Variants in NRG3 observed in about 807,000 individuals in gnomAD.
The protein encoded by NRG3 is neuregulin 3, also known as pro-neuregulin-3, membrane-bound isoform.
Under a neutral mutation model 66.9 loss-of-function variants are expected in NRG3, and 31 were observed. That is an observed-to-expected ratio of 0.46 (90% CI 0.35 to 0.63). The LOEUF (loss-of-function observed/expected upper bound fraction) is 0.63, where lower values mean the gene tolerates loss of function less well. Ranked by LOEUF, NRG3 falls within the 20% of genes least tolerant of loss-of-function variation. The probability of loss-of-function intolerance (pLI) is 0.00; values close to 1 mark genes in which losing one functional copy is unlikely to be tolerated. For missense variants in NRG3, 910 were observed against 878.9 expected (o/e 1.04, Z -0.45); for synonymous variants, 393 against 359.4 (o/e 1.09, Z -1.06).
At chr10:82,010,944 A>C (rs1440091164) in intron 1 of NRG3, among the ~76,000 whole-genome samples, 4 of 152,134 alleles carry the variant, frequency 2.6e-5, no homozygotes, top group Non-Finnish European at 5.9e-5. Context: ...TCAAAACAAA[A>C]CTTGGTTTCC....
At chr10:82,025,818 T>TA (rs1467018017) in intron 1 of NRG3, among the ~76,000 whole-genome samples, 1 of 152,140 alleles carries the variant, frequency 6.6e-6, no homozygotes, top group Non-Finnish European at 1.5e-5. Flanking sequence ...TCTATTTACT[T>TA]ACTTATTTTG....
chr10:82,897,234 A>G (rs1202856698), intron 4 of NRG3, among the ~76,000 whole-genome samples: 1 of 152,246 alleles, frequency 6.6e-6, no homozygotes, highest in African/African-American at 2.4e-5. Flanking sequence ...GTCTTGGATT[A>G]AACACCTTTT....
intron 1 of NRG3, among the ~76,000 whole-genome samples, chr10:82,210,418 C>G (rs1198171696): frequency 6.6e-6 from 1 of 152,130 alleles, no homozygotes; most frequent in Non-Finnish European, 1.5e-5. Flanking sequence ...CAAATTCAGT[C>G]AGGTGCCAAG....
chr10:82,576,169 G>GTT (rs554723924), intron 2 of NRG3, among the ~76,000 whole-genome samples: 1 of 151,378 alleles, frequency 6.6e-6, no homozygotes, highest in Non-Finnish European at 1.5e-5. Context: ...GTTTTGTTTT[G>GTT]TTTTTTTAAT....
At chr10:82,815,691 C>T (rs532689782) in intron 3 of NRG3, among the ~76,000 whole-genome samples, 1 of 152,204 alleles carries the variant, frequency 6.6e-6, no homozygotes, top group Non-Finnish European at 1.5e-5. Context: ...CAGCTGGAAA[C>T]CTCTGTGTCC....
chr10:81,945,476 T>A (rs759957965), intron 1 of NRG3, among the ~76,000 whole-genome samples: 1 of 152,166 alleles, frequency 6.6e-6, no homozygotes, highest in Admixed American at 6.6e-5. Flanking sequence ...TGTTTTAAAT[T>A]GCGATTTTGC....
chr10:82,794,724 T>G lies in NRG3; in HGVS notation c.1027+56074T>G, dbSNP rs913671950. Among the ~76,000 whole-genome samples, 44 of 152,102 alleles carry G rather than the reference T, an allele frequency of 2.9e-4. 1 individual carries two copies. Among genetic ancestry groups the G allele is most frequent in the Non-Finnish European group, 1.3e-4 (9 of 68,030 alleles). The stretch of plus-strand genomic sequence containing the variant: ...ACTTCCAATTGTCACAAAATTCATC[T>G]TGGGCTTAGAGATGAATTTTAAATA... On this transcript the variant is annotated intron_variant, in intron 3 of 8. Coordinates refer to ENST00000372141, the MANE Select transcript of NRG3 (RefSeq NM_001010848.4).
intron 1 of NRG3, among the ~76,000 whole-genome samples, chr10:82,122,073 G>T (rs937590750): frequency 1.3e-5 from 2 of 152,036 alleles, no homozygotes; most frequent in East Asian, 3.9e-4. Flanking sequence ...CAGTCTCATC[G>T]GTAAAATGAG....
At chr10:82,832,676 C>A (rs1295264738) in intron 3 of NRG3, among the ~76,000 whole-genome samples, 1 of 152,034 alleles carries the variant, frequency 6.6e-6, no homozygotes, top group Non-Finnish European at 1.5e-5. Flanking sequence ...AATAACTTTG[C>A]AATCATATGA....
chr10:82,498,566 C>G (rs574311959), intron 2 of NRG3, among the ~76,000 whole-genome samples: 15 of 152,192 alleles, frequency 9.9e-5, no homozygotes, highest in African/African-American at 3.6e-4. Context: ...TGCTTTTCAC[C>G]TTTGAAATTT....
intron 1 of NRG3, among the ~76,000 whole-genome samples, chr10:81,944,422 A>G (rs1848662712): frequency 2.0e-5 from 3 of 152,250 alleles, no homozygotes; most frequent in Non-Finnish European, 4.4e-5. Flanking sequence ...CCTTTACTTG[A>G]AAGACTAAAA....
At chr10:82,170,547 A>C (rs906246391) in intron 1 of NRG3, among the ~76,000 whole-genome samples, 3 of 150,644 alleles carry the variant, frequency 2.0e-5, no homozygotes, top group Admixed American at 6.7e-5. Flanking sequence ...TTTTTCATTT[A>C]TTAGTTGTTT....
intron 2 of NRG3, among the ~76,000 whole-genome samples, chr10:82,646,554 C>T (rs375902068): frequency 5.9e-5 from 9 of 152,210 alleles, no homozygotes; most frequent in South Asian, 2.1e-4. Context: ...CAGTAAATTA[C>T]GATGTCGAAG....
At chr10:82,362,553 T>TG (rs1446339337) in intron 2 of NRG3, among the ~76,000 whole-genome samples, 1 of 126,214 alleles carries the variant, frequency 7.9e-6, no homozygotes, top group Non-Finnish European at 1.6e-5. Context: ...TCTGGGTTTT[T>TG]TTTTTTTTTT....
At chr10:82,958,878 G>T (rs928353600) in intron 5 of NRG3, 71 bp from the exon 6 acceptor site, 1 of 1,460,748 alleles carries the variant, frequency 6.8e-7, no homozygotes, top group South Asian at 1.5e-5. Context: ...CACTGGGAAT[G>T]AATGAGACCC....
chr10:82,117,564 A>G (rs2132319912), intron 1 of NRG3, among the ~76,000 whole-genome samples: 1 of 152,240 alleles, frequency 6.6e-6, no homozygotes, highest in South Asian at 2.1e-4. Flanking sequence ...GACAAGTCAC[A>G]TATTCTCACC....
intron 1 of NRG3, among the ~76,000 whole-genome samples, chr10:81,987,634 G>A: frequency 6.6e-6 from 1 of 152,138 alleles, no homozygotes; most frequent in East Asian, 1.9e-4. Flanking sequence ...AATTGGATAA[G>A]AGCATCGTTG....
chr10:82,123,794 G>A (rs542856335), intron 1 of NRG3, among the ~76,000 whole-genome samples: 1 of 149,856 alleles, frequency 6.7e-6, no homozygotes, highest in South Asian at 2.1e-4. Context: ...ACCTTAAAAG[G>A]TATAAATGCC....
At chr10:81,965,372 T>G (rs890462329) in intron 1 of NRG3, among the ~76,000 whole-genome samples, 13 of 152,230 alleles carry the variant, frequency 8.5e-5, no homozygotes, top group African/African-American at 3.1e-4. Flanking sequence ...GCCATCTGGC[T>G]TCAGAGTTTA....
Sources: gnomAD v4.1 joint callset for allele counts (sites outside exome capture counted in the v4.1 genomes callset) on GRCh38, gnomAD v4.1.1 for gene constraint, MANE v1.5 for transcripts, NCBI Gene and HGNC (gene_info 2026-07-23, HGNC 2026-07-21) for gene names.